The following SIPA1L1 variants were observed in gnomAD, a reference collection of about 807,000 sequenced individuals.
SIPA1L1 encodes signal induced proliferation associated 1 like 1.
In SIPA1L1, 26 loss-of-function variants were observed where a neutral mutation model predicts 162.7. The ratio of observed to expected loss-of-function variants is 0.16; its 90% CI spans 0.12 to 0.22. SIPA1L1 has a LOEUF of 0.22. Among genes scored for constraint, SIPA1L1 ranks in the 10% least tolerant of loss-of-function variants. The pLI is 1.00. For synonymous variants in SIPA1L1, 829 were observed against 837.4 expected (o/e 0.99, Z 0.17); for missense variants, 1,874 against 2,241.0 (o/e 0.84, Z 3.31).
chr14:71,374,012 C>G (rs2039141764), intron 2 of SIPA1L1, among the ~76,000 whole-genome samples: 1 of 152,188 alleles, frequency 6.6e-6, no homozygotes, highest in African/African-American at 2.4e-5. Context: ...CAGGGCAGCT[C>G]TGCTATGAAT....
chr14:71,611,360 G>A (rs2038183467), intron 5 of SIPA1L1, among the ~76,000 whole-genome samples: 1 of 152,242 alleles, frequency 6.6e-6, no homozygotes, highest in South Asian at 2.1e-4. Flanking sequence ...AATTTGAACA[G>A]TGAGTTTTTT....
chr14:71,574,502 A>C (rs2032661814), intron 4 of SIPA1L1: 1 of 152,234 alleles, frequency 6.6e-6, no homozygotes, highest in Admixed American at 6.5e-5. Flanking sequence ...ACATTGCAAA[A>C]ACAGAGAGGC....
Position 71,590,043 on chromosome 14 carries a change from AAATATATATAT to A in SIPA1L1, c.1498+675_1498+685del, listed in dbSNP as rs1251339338. On this transcript the variant is annotated intron_variant, in intron 5 of 23. Transcript: ENST00000381232. ...GAGTAAAAAAAAAAAAAAAAAAAAA[AAATATATATAT>A]ATATATATATATATATATATATGTA... 2.9e-4 allele frequency among the ~76,000 whole-genome samples: 18 copies of A among 61,536 alleles called. No individual in the cohort carries two copies. In the South Asian group the frequency reaches 3.3e-3, roughly 11 times the overall value. 40.4% of individuals were successfully genotyped at this position (61,536 alleles called of 152,430 possible).
At chr14:71,342,128 C>T (rs559715313) in intron 2 of SIPA1L1, among the ~76,000 whole-genome samples, 5 of 151,986 alleles carry the variant, frequency 3.3e-5, no homozygotes, top group East Asian at 1.9e-4. Context: ...TTCAGCCTCC[C>T]GAGTAGCTAG....
chr14:71,361,567 C>T (rs529996947), intron 2 of SIPA1L1, among the ~76,000 whole-genome samples: 4 of 152,192 alleles, frequency 2.6e-5, no homozygotes, highest in Non-Finnish European at 4.4e-5. Flanking sequence ...TAAGTCATTA[C>T]GTAAGAACTT....
At chr14:71,415,331 GT>G (rs1384213370) in intron 2 of SIPA1L1, among the ~76,000 whole-genome samples, 2 of 152,136 alleles carry the variant, frequency 1.3e-5, no homozygotes, top group African/African-American at 4.8e-5. Flanking sequence ...TTATTTGACC[GT>G]TCCCAGCATC....
intron 3 of SIPA1L1, among the ~76,000 whole-genome samples, chr14:71,515,908 C>T (rs1367643818): frequency 6.6e-6 from 1 of 152,202 alleles, no homozygotes; most frequent in Non-Finnish European, 1.5e-5. Context: ...TCCCAGAGTT[C>T]TGGGATTACA....
chr14:71,705,157 C>T (rs1413620824), intron 15 of SIPA1L1, 65 bp from the exon 16 acceptor site: 1 of 1,137,184 alleles, frequency 8.8e-7, no homozygotes, highest in Non-Finnish European at 1.3e-6. Context: ...AAGCCATCTT[C>T]ATTTGTCACC....
At chr14:71,703,604 T>C (rs965849720) in intron 15 of SIPA1L1, among the ~76,000 whole-genome samples, 1 of 152,236 alleles carries the variant, frequency 6.6e-6, no homozygotes, top group Non-Finnish European at 1.5e-5. Context: ...GATCTGCTTT[T>C]CTACTCTTGA....
chr14:71,526,932 T>G (rs1309073466), intron 3 of SIPA1L1, among the ~76,000 whole-genome samples: 1 of 152,226 alleles, frequency 6.6e-6, no homozygotes, highest in Non-Finnish European at 1.5e-5. Context: ...TATTGGATGC[T>G]GCCAAACAGC....
At chr14:71,513,382 A>G (rs1340406032) in intron 3 of SIPA1L1, among the ~76,000 whole-genome samples, 1 of 152,208 alleles carries the variant, frequency 6.6e-6, no homozygotes, top group Non-Finnish European at 1.5e-5. Flanking sequence ...TACCTAGTGT[A>G]TCAGTCAGGG....
chr14:71,494,778 T>A (rs1182671599), intron 2 of SIPA1L1, among the ~76,000 whole-genome samples: 1 of 152,194 alleles, frequency 6.6e-6, no homozygotes, highest in Non-Finnish European at 1.5e-5. Context: ...TAGCTGGGAC[T>A]ACAGGTGTGC....
chr14:71,390,937 C>G (rs1414100358), intron 2 of SIPA1L1, among the ~76,000 whole-genome samples: 1 of 152,084 alleles, frequency 6.6e-6, no homozygotes. Flanking sequence ...GACAATATAT[C>G]TTGCTTCATG....
chr14:71,461,378 G>C (rs1216032791), intron 2 of SIPA1L1, among the ~76,000 whole-genome samples: 1 of 152,188 alleles, frequency 6.6e-6, no homozygotes, highest in Non-Finnish European at 1.5e-5. Flanking sequence ...CTGCCACTAT[G>C]ATCATTTTGT....
chr14:71,460,977 A>G (rs762144052), intron 2 of SIPA1L1, among the ~76,000 whole-genome samples: 3 of 152,228 alleles, frequency 2.0e-5, no homozygotes, highest in Non-Finnish European at 4.4e-5. Flanking sequence ...TTCCATGAGC[A>G]TGAGCCCACT....
intron 7 of SIPA1L1, among the ~76,000 whole-genome samples, chr14:71,632,023 G>C (rs1338196404): frequency 6.6e-6 from 1 of 152,202 alleles, no homozygotes; most frequent in East Asian, 1.9e-4. Context: ...GCTTATTGCA[G>C]ACCGGCCCAT....
intron 2 of SIPA1L1, among the ~76,000 whole-genome samples, chr14:71,481,776 C>T (rs2048370793): frequency 6.6e-6 from 1 of 152,070 alleles, no homozygotes; most frequent in Non-Finnish European, 1.5e-5. Flanking sequence ...TCTTGAAATC[C>T]ACCCCCGGAG....
At chr14:71,347,210 C>G (rs563942062) in intron 2 of SIPA1L1, among the ~76,000 whole-genome samples, 12 of 152,088 alleles carry the variant, frequency 7.9e-5, no homozygotes, top group African/African-American at 2.7e-4. Context: ...ATCCACCTGC[C>G]TCGGTCTCCC....
At chr14:71,637,899 A>G (rs1362759114) in intron 7 of SIPA1L1, among the ~76,000 whole-genome samples, 2 of 152,178 alleles carry the variant, frequency 1.3e-5, no homozygotes, top group African/African-American at 4.8e-5. Context: ...ATTACCACCA[A>G]CGCCCCCAAT....
Sources: allele counts gnomAD v4.1 joint callset (sites outside exome capture counted in the v4.1 genomes callset), GRCh38; gene constraint gnomAD v4.1.1; transcripts MANE v1.5; gene names NCBI Gene and HGNC (gene_info 2026-07-23, HGNC 2026-07-21).